Variants in WWOX observed in about 807,000 individuals in gnomAD.
WWOX encodes the protein WW domain-containing oxidoreductase.
Under a neutral mutation model 46.2 loss-of-function variants are expected in WWOX, and 69 were observed. The observed-to-expected ratio is 1.49, with a 90% CI of 1.23 to 1.82. The LOEUF (loss-of-function observed/expected upper bound fraction) is 1.82. WWOX is among the 40% of genes most tolerant of loss of function. The probability of loss-of-function intolerance (pLI) is 0.00; values close to 1 mark genes in which losing one functional copy is unlikely to be tolerated. For missense variants in WWOX, 919 were observed against 542.6 expected (o/e 1.69, Z -6.89); for synonymous variants, 359 against 202.6 (o/e 1.77, Z -6.56).
intron 8 of WWOX, among the ~76,000 whole-genome samples, chr16:79,178,799 T>A (rs189982629): frequency 6.6e-6 from 1 of 152,364 alleles, no homozygotes; most frequent in Admixed American, 6.5e-5. Context: ...CAACTACAAT[T>A]TTTTTCCTCT....
intron 8 of WWOX, among the ~76,000 whole-genome samples, chr16:79,060,095 G>C (rs1352144603): frequency 3.9e-5 from 6 of 152,140 alleles, no homozygotes; most frequent in Non-Finnish European, 1.5e-5. Context: ...CAGGTGTATA[G>C]TTAATCCATT....
chr16:78,144,097 C>A (rs1217058825), intron 4 of WWOX, among the ~76,000 whole-genome samples: 1 of 152,020 alleles, frequency 6.6e-6, no homozygotes, highest in African/African-American at 2.4e-5. Flanking sequence ...TTTCCACCTG[C>A]CCCTTGGCTC....
At chr16:78,388,068 T>A (rs926737738) in intron 6 of WWOX, among the ~76,000 whole-genome samples, 1 of 152,186 alleles carries the variant, frequency 6.6e-6, no homozygotes, top group Non-Finnish European at 1.5e-5. Context: ...TGCATGGCTG[T>A]GTCACCCAGG....
chr16:79,024,404 G>A (rs1277343299), intron 8 of WWOX, among the ~76,000 whole-genome samples: 6 of 152,056 alleles, frequency 3.9e-5, no homozygotes, highest in Admixed American at 3.9e-4. Flanking sequence ...GACTACAGGT[G>A]CGTGCTACCG....
chr16:79,047,805 C>G (rs978706799), intron 8 of WWOX, among the ~76,000 whole-genome samples: 2 of 149,780 alleles, frequency 1.3e-5, no homozygotes, highest in African/African-American at 4.9e-5. Context: ...GACTGGCTCA[C>G]AGTAGGACCA....
chr16:78,414,848 C>G, intron 6 of WWOX, among the ~76,000 whole-genome samples: 1 of 152,072 alleles, frequency 6.6e-6, no homozygotes, highest in East Asian at 1.9e-4. Context: ...CCAGGAATGA[C>G]CAAAGACAGC....
chr16:78,343,950 C>A lies in WWOX; in HGVS notation c.517-42910C>A, dbSNP rs1033833592. Reference sequence around the variant, plus strand: ...TGTAGTCTAAATGTGGTTGCATCATCTTCTTTCTTCCTTTGCCTTCCTCCC... The same window carrying A: ...TGTAGTCTAAATGTGGTTGCATCATATTCTTTCTTCCTTTGCCTTCCTCCC... On this transcript the variant is annotated intron_variant, in intron 5 of 8. Coordinates refer to ENST00000566780, the MANE Select transcript of WWOX (RefSeq NM_016373.4). 8.3e-5 allele frequency among the ~76,000 whole-genome samples: 10 copies of A among 120,466 alleles called. 3 individuals carry two copies. The highest frequency in any genetic ancestry group is 2.8e-4 in the African/African-American group (10 of 35,524). 79.0% of individuals were successfully genotyped at this position (120,466 alleles called of 152,430 possible).
chr16:78,549,078 T>C (rs1184746899), intron 8 of WWOX, among the ~76,000 whole-genome samples: 1 of 152,132 alleles, frequency 6.6e-6, no homozygotes, highest in Non-Finnish European at 1.5e-5. Context: ...TAGAATAAAG[T>C]GAGGAAAATA....
At chr16:78,472,665 C>T (rs1043215207) in intron 8 of WWOX, among the ~76,000 whole-genome samples, 1 of 151,702 alleles carries the variant, frequency 6.6e-6, no homozygotes, top group Non-Finnish European at 1.5e-5. Context: ...AAAAATTAGC[C>T]AGGAATGGTG....
At chr16:78,869,238 T>C (rs1170399689) in intron 8 of WWOX, among the ~76,000 whole-genome samples, 1 of 152,124 alleles carries the variant, frequency 6.6e-6, no homozygotes, top group African/African-American at 2.4e-5. Flanking sequence ...CTGAAGCAGA[T>C]CTCTATCCTG....
rs1276034003 is a variant in WWOX, at chr16:78,108,499, G to A, written c.172+12G>A. On this transcript the variant is annotated intron_variant, in intron 2 of 8. Coordinates refer to ENST00000566780, the MANE Select transcript of WWOX (RefSeq NM_016373.4). ...ACGAGTGGCAGGAGGTTTGTATGTTGTTGTCTAAGGATCTTGGATGGAAGC... is the reference window on the plus strand; with the variant it reads ...ACGAGTGGCAGGAGGTTTGTATGTTATTGTCTAAGGATCTTGGATGGAAGC... 1 of 1,613,518 alleles carries A rather than the reference G, an allele frequency of 6.2e-7. No homozygotes were observed. The highest frequency in any genetic ancestry group is 8.5e-7 in the Non-Finnish European group (1 of 1,179,640).
chr16:78,398,891 C>G (rs924840084), intron 6 of WWOX, among the ~76,000 whole-genome samples: 7 of 152,236 alleles, frequency 4.6e-5, no homozygotes, highest in Admixed American at 6.5e-5. Flanking sequence ...TTGTCATCGT[C>G]TTTATCATCC....
intron 8 of WWOX, among the ~76,000 whole-genome samples, chr16:79,208,075 T>C (rs2051579214): frequency 1.3e-5 from 2 of 152,240 alleles, no homozygotes; most frequent in South Asian, 2.1e-4. Context: ...CAGATGATTT[T>C]TGAAAGAGAA....
chr16:79,018,742 CT>C (rs1413078002), intron 8 of WWOX, among the ~76,000 whole-genome samples: 1 of 152,196 alleles, frequency 6.6e-6, no homozygotes, highest in African/African-American at 2.4e-5. Context: ...AAACCAGGGT[CT>C]TTCCTATTTT....
intron 8 of WWOX, chr16:78,525,395 C>T (rs2043440757): frequency 6.6e-6 from 1 of 151,932 alleles, no homozygotes; most frequent in Admixed American, 6.6e-5. Context: ...CCATGCTAAC[C>T]AGGATGGTCT....
intron 5 of WWOX, among the ~76,000 whole-genome samples, chr16:78,381,643 A>C (rs911955072): frequency 3.9e-5 from 6 of 152,214 alleles, no homozygotes; most frequent in African/African-American, 1.2e-4. Context: ...GATCAGAAGG[A>C]AGAATGAAGA....
At chr16:78,602,602 A>G (rs1213780606) in intron 8 of WWOX, among the ~76,000 whole-genome samples, 2 of 152,196 alleles carry the variant, frequency 1.3e-5, no homozygotes. Flanking sequence ...TTTCCATGCA[A>G]AAGATAAACT....
chr16:79,137,896 G>A (rs567002841), intron 8 of WWOX, among the ~76,000 whole-genome samples: 2 of 152,134 alleles, frequency 1.3e-5, no homozygotes, highest in East Asian at 3.9e-4. Flanking sequence ...AGGGGGTGGG[G>A]GACTCCAGAA....
intron 8 of WWOX, among the ~76,000 whole-genome samples, chr16:79,061,081 C>G (rs2048349488): frequency 6.6e-6 from 1 of 152,258 alleles, no homozygotes; most frequent in South Asian, 2.1e-4. Context: ...AAGGGACGTG[C>G]CCCTTGAACG....
Sources: gnomAD v4.1 joint callset for allele counts (sites outside exome capture counted in the v4.1 genomes callset) on GRCh38, gnomAD v4.1.1 for gene constraint, MANE v1.5 for transcripts, NCBI Gene and HGNC (gene_info 2026-07-23, HGNC 2026-07-21) for gene names.